Variants in LRBA observed in about 807,000 individuals in gnomAD.
LRBA encodes the protein LPS responsive beige-like anchor protein.
Under a neutral mutation model 330.0 loss-of-function variants are expected in LRBA, and 176 were observed. The observed-to-expected ratio is 0.53, with a 90% confidence interval of 0.47 to 0.60. The LOEUF (loss-of-function observed/expected upper bound fraction) is 0.60. Ranked by LOEUF, LRBA falls within the 20% of genes least tolerant of loss-of-function variation. LRBA has a pLI of 0.00. For synonymous variants in LRBA, 1,230 were observed against 1,193.0 expected, an observed-to-expected ratio of 1.03 and a Z score of -0.64; for missense variants, 3,259 against 3,444.8, an observed-to-expected ratio of 0.95 and a Z score of 1.35.
intron 47 of LRBA, among the ~76,000 whole-genome samples, chr4:150,413,754 T>C (rs929452332): frequency 2.6e-5 from 4 of 152,136 alleles, no homozygotes; most frequent in African/African-American, 9.7e-5. Flanking sequence ...CTTTAAGAAG[T>C]TGAATTTTAT....
intron 46 of LRBA, among the ~76,000 whole-genome samples, chr4:150,424,000 T>C (rs756679395): frequency 1.3e-5 from 2 of 152,208 alleles, no homozygotes; most frequent in Non-Finnish European, 2.9e-5. Context: ...AAGATTGTAA[T>C]ACATTGTATT....
chr4:150,947,124 G>T (rs1345500559), intron 2 of LRBA, among the ~76,000 whole-genome samples: 1 of 151,084 alleles, frequency 6.6e-6, no homozygotes, highest in Non-Finnish European at 1.5e-5. Flanking sequence ...GGTTTCTCTG[G>T]AGAATTCTTC....
intron 49 of LRBA, among the ~76,000 whole-genome samples, chr4:150,324,660 T>C (rs938783583): frequency 2.6e-5 from 4 of 152,108 alleles, no homozygotes; most frequent in Non-Finnish European, 2.9e-5. Context: ...CTCTATTTCT[T>C]ACTTTCTTCA....
Position 150,505,085 on chromosome 4 carries a change from A to G in LRBA, c.6331-14050T>C, listed in dbSNP as rs1230519238. Among the ~76,000 whole-genome samples, 6 of 152,342 alleles carry G rather than the reference A, an allele frequency of 3.9e-5. No homozygotes were observed. The East Asian group carries it at 1.2e-3, about 29-fold the overall frequency. ...ACCTAGATTCATAAAGCAAGTCCTT[A>G]GTGACCTACAAAGAGACTTAGACTC... On this transcript the variant is annotated intron_variant, in intron 40 of 56. Transcript: ENST00000651943.
At chr4:150,913,609 T>C (rs1732257280) in intron 9 of LRBA, among the ~76,000 whole-genome samples, 1 of 152,256 alleles carries the variant, frequency 6.6e-6, no homozygotes, top group Non-Finnish European at 1.5e-5. Context: ...GTTGTTCTAT[T>C]CATTATTGAA....
intron 37 of LRBA, among the ~76,000 whole-genome samples, chr4:150,675,021 A>T (rs994076045): frequency 5.3e-5 from 8 of 152,134 alleles, no homozygotes; most frequent in African/African-American, 1.9e-4. Flanking sequence ...GTTCAAGACC[A>T]GCCTGGGCAA....
chr4:150,485,478 G>A (rs1411865045), intron 42 of LRBA, among the ~76,000 whole-genome samples: 1 of 151,952 alleles, frequency 6.6e-6, no homozygotes, highest in Non-Finnish European at 1.5e-5. Flanking sequence ...AATTTGCAGA[G>A]AGAATATTTT....
chr4:150,858,357 G>A (rs1020711628), intron 22 of LRBA, among the ~76,000 whole-genome samples: 7 of 151,466 alleles, frequency 4.6e-5, no homozygotes, highest in African/African-American at 1.7e-4. Context: ...GGGAAGCACA[G>A]CAACAGTCTG....
At chr4:150,841,572 G>A (rs192471942) in intron 28 of LRBA, among the ~76,000 whole-genome samples, 134 of 152,156 alleles carry the variant, frequency 8.8e-4, no homozygotes, top group African/African-American at 3.2e-3. Context: ...AAAAACCTTA[G>A]CTCTTTACCT....
chr4:150,492,007 T>C (rs1013831517), intron 40 of LRBA, among the ~76,000 whole-genome samples: 1 of 152,006 alleles, frequency 6.6e-6, no homozygotes, highest in Non-Finnish European at 1.5e-5. Flanking sequence ...AATGAAACAT[T>C]TGATTATGAT....
intron 34 of LRBA, among the ~76,000 whole-genome samples, chr4:150,771,308 T>C (rs977161580): frequency 4.6e-5 from 7 of 152,160 alleles, no homozygotes; most frequent in Non-Finnish European, 8.8e-5. Flanking sequence ...TACACATATA[T>C]CCTTCTGGAA....
chr4:150,899,005 T>C (rs1244579027), intron 14 of LRBA, among the ~76,000 whole-genome samples: 1 of 152,206 alleles, frequency 6.6e-6, no homozygotes, highest in East Asian at 1.9e-4. Flanking sequence ...CTTACTGCAA[T>C]CAGAATGTAT....
intron 46 of LRBA, chr4:150,422,826 T>C: frequency 6.8e-7 from 1 of 1,460,816 alleles, no homozygotes; most frequent in Non-Finnish European, 9.6e-7. Context: ...GAACTTGCCC[T>C]GCAGCCAGGC....
At chr4:150,389,676 CAAAAAAAAAA>C (rs34170088) in intron 47 of LRBA, among the ~76,000 whole-genome samples, 2 of 80,092 alleles carry the variant, frequency 2.5e-5, no homozygotes, top group East Asian at 4.0e-4. Context: ...GACTCTGTCT[CAAAAAAAAAA>C]AAAAAAAAAA....
chr4:150,657,863 A>G (rs1340888914), intron 37 of LRBA, among the ~76,000 whole-genome samples: 2 of 151,960 alleles, frequency 1.3e-5, no homozygotes, highest in Non-Finnish European at 2.9e-5. Flanking sequence ...TTTTTAAGTT[A>G]TTTTCTTAAT....
intron 46 of LRBA, chr4:150,423,268 T>C (rs1036731400): frequency 4.0e-5 from 38 of 954,714 alleles, no homozygotes; most frequent in Middle Eastern, 4.3e-4. Context: ...CCTCCCAGCA[T>C]CTCCTGTAGG....
chr4:150,845,112 A>G (rs568776913), intron 26 of LRBA, among the ~76,000 whole-genome samples: 2 of 152,328 alleles, frequency 1.3e-5, no homozygotes, highest in South Asian at 4.1e-4. Context: ...GACAATCTTT[A>G]GTTAAGAAAA....
intron 42 of LRBA, among the ~76,000 whole-genome samples, chr4:150,478,928 G>C (rs1757000998): frequency 6.6e-6 from 1 of 152,038 alleles, no homozygotes; most frequent in Non-Finnish European, 1.5e-5. Flanking sequence ...TTTCTATCTT[G>C]TACATGGCTG....
intron 36 of LRBA, chr4:150,683,994 G>C (rs754812765): frequency 4.0e-5 from 11 of 275,402 alleles, no homozygotes; most frequent in Non-Finnish European, 7.5e-5. Context: ...AGAAGCAGGG[G>C]CCCAGCACGA....
Sources: allele counts gnomAD v4.1 joint callset (sites outside exome capture counted in the v4.1 genomes callset), GRCh38; gene constraint gnomAD v4.1.1; transcripts MANE v1.5; gene names NCBI Gene and HGNC (gene_info 2026-07-23, HGNC 2026-07-21).